MAP4K3: variants seen among roughly 807,000 people sequenced by gnomAD.
The protein encoded by MAP4K3 is mitogen-activated protein kinase kinase kinase kinase 3, also known as MAPK/ERK kinase kinase kinase 3.
In MAP4K3, 94 loss-of-function variants were observed where a neutral mutation model predicts 143.5. The ratio of observed to expected loss-of-function variants is 0.65; its 90% CI spans 0.55 to 0.78. The LOEUF is 0.78. MAP4K3 is among the 30% of genes least tolerant of loss of function. The pLI, the probability that MAP4K3 is intolerant of heterozygous loss-of-function variation, is 0.00. For synonymous variants in MAP4K3, 416 were observed against 347.2 expected, an observed-to-expected ratio of 1.20 and a Z score of -2.20; for missense variants, 1,077 against 1,068.1, an observed-to-expected ratio of 1.01 and a Z score of -0.12.
Position 39,254,442 on chromosome 2 carries a change from T to A in MAP4K3, c.2541+8A>T. The A allele has an allele frequency of 1.2e-6, 2 of 1,610,576 alleles. No individual in the cohort carries two copies. Among genetic ancestry groups the A allele is most frequent in the Non-Finnish European group, 1.7e-6 (2 of 1,176,980 alleles). On this transcript the variant is annotated splice_region_variant and intron_variant, in intron 32 of 33. Coordinates refer to ENST00000263881, the MANE Select transcript of MAP4K3 (RefSeq NM_003618.4). ...CTTGTGACTACTTAATGGACATAAT[T>A]TACTTACCTCATTAGATCTAAAACT...
chr2:39,287,495 G>A (rs927067661), intron 20 of MAP4K3, among the ~76,000 whole-genome samples: 2 of 151,904 alleles, frequency 1.3e-5, no homozygotes, highest in Non-Finnish European at 2.9e-5. Context: ...TAGAGATGGA[G>A]TTTCACCATG....
intron 1 of MAP4K3, among the ~76,000 whole-genome samples, chr2:39,400,967 T>C (rs563815767): frequency 6.6e-6 from 1 of 152,084 alleles, no homozygotes; most frequent in East Asian, 1.9e-4. Flanking sequence ...AACAAATAAA[T>C]ACAAGAATCA....
intron 29 of MAP4K3, among the ~76,000 whole-genome samples, chr2:39,260,364 C>T (rs1680517824): frequency 6.6e-6 from 1 of 152,086 alleles, no homozygotes; most frequent in South Asian, 2.1e-4. Flanking sequence ...GATCTTCTCA[C>T]CTTGGCCTCC....
chr2:39,326,896 T>C (rs538670526), intron 8 of MAP4K3, among the ~76,000 whole-genome samples: 6 of 152,106 alleles, frequency 3.9e-5, no homozygotes, highest in East Asian at 1.9e-4. Context: ...TACTCCATGA[T>C]TGTAAGTTTT....
chr2:39,339,666 G>A (rs570961132), intron 4 of MAP4K3, among the ~76,000 whole-genome samples: 10 of 152,228 alleles, frequency 6.6e-5, no homozygotes, highest in African/African-American at 1.9e-4. Context: ...AGACAAGCAC[G>A]ACGATAACTA....
chr2:39,379,860 G>A (rs1413365151), intron 1 of MAP4K3: 2 of 167,576 alleles, frequency 1.2e-5, no homozygotes, highest in East Asian at 3.9e-4. Context: ...ATGACCACAG[G>A]AGGGCACACT....
intron 8 of MAP4K3, among the ~76,000 whole-genome samples, chr2:39,331,361 G>T (rs1683676095): frequency 1.3e-5 from 2 of 152,054 alleles, no homozygotes; most frequent in African/African-American, 4.8e-5. Flanking sequence ...TTTATACTAT[G>T]ATCAGTATCT....
At chr2:39,284,172 TA>T (rs1558621209) in intron 21 of MAP4K3, among the ~76,000 whole-genome samples, 1 of 152,212 alleles carries the variant, frequency 6.6e-6, no homozygotes, top group East Asian at 1.9e-4. Flanking sequence ...GTTGTTTTTT[TA>T]TTTTTTTTGA....
At chr2:39,384,952 A>T (rs1448232322) in intron 1 of MAP4K3, among the ~76,000 whole-genome samples, 1 of 152,220 alleles carries the variant, frequency 6.6e-6, no homozygotes, top group East Asian at 1.9e-4. Context: ...GTTCTCTATG[A>T]CTACAGTTTT....
At chr2:39,279,018 C>T (rs537183350) in intron 23 of MAP4K3, among the ~76,000 whole-genome samples, 10 of 152,090 alleles carry the variant, frequency 6.6e-5, no homozygotes, top group Non-Finnish European at 1.0e-4. Flanking sequence ...GCATGGCCAT[C>T]GTCCTTTCCA....
intron 16 of MAP4K3, 63 bp downstream of exon 16, chr2:39,299,680 T>A: frequency 1.2e-6 from 1 of 851,616 alleles, no homozygotes; most frequent in Non-Finnish European, 1.8e-6. Context: ...TATTAAAATA[T>A]AATATTAAAG....
At chr2:39,385,985 T>G (rs188346454) in intron 1 of MAP4K3, among the ~76,000 whole-genome samples, 172 of 152,290 alleles carry the variant, frequency 1.1e-3, no homozygotes, top group Middle Eastern at 6.8e-3. Context: ...ACAGTGTTTT[T>G]TGCAGAATTT....
intron 1 of MAP4K3, among the ~76,000 whole-genome samples, chr2:39,393,990 C>A (rs900085307): frequency 6.6e-6 from 1 of 152,162 alleles, no homozygotes; most frequent in Admixed American, 6.5e-5. Context: ...TATGCTTTCT[C>A]ATGACATAAA....
At chr2:39,420,633 G>A (rs747709005) in intron 1 of MAP4K3, among the ~76,000 whole-genome samples, 19 of 151,044 alleles carry the variant, frequency 1.3e-4, no homozygotes, top group Non-Finnish European at 2.2e-4. Context: ...GGCTGGTCTC[G>A]AACTCCTGGC....
intron 1 of MAP4K3, among the ~76,000 whole-genome samples, chr2:39,384,444 G>A (rs61219633): frequency 0.048 from 7,372 of 152,296 alleles, 299 homozygotes; most frequent in African/African-American, 0.11. Context: ...TACTCGAGAG[G>A]CTGGGACAGG....
At chr2:39,367,912 T>C (rs776104558) in intron 2 of MAP4K3, among the ~76,000 whole-genome samples, 11 of 152,230 alleles carry the variant, frequency 7.2e-5, no homozygotes, top group Non-Finnish European at 1.5e-4. Context: ...CCAGTTCCAC[T>C]CCTTTCTTAT....
intron 28 of MAP4K3, among the ~76,000 whole-genome samples, chr2:39,262,319 C>T (rs1449197850): frequency 6.6e-6 from 1 of 152,192 alleles, no homozygotes; most frequent in African/African-American, 2.4e-5. Context: ...TTCCCTGTGG[C>T]TGCTAAAGTG....
At chr2:39,258,485 T>C (rs762193683) in intron 30 of MAP4K3, 34 bp downstream of exon 30, 2 of 1,604,196 alleles carry the variant, frequency 1.2e-6, no homozygotes, top group South Asian at 1.1e-5. Flanking sequence ...AAAGAAGTCT[T>C]ATTAAAGTAA....
At chr2:39,286,204 T>C (rs1681769798) in intron 21 of MAP4K3, among the ~76,000 whole-genome samples, 2 of 152,206 alleles carry the variant, frequency 1.3e-5, no homozygotes, top group African/African-American at 4.8e-5. Flanking sequence ...GTTACATTCG[T>C]GTAAGCAGCG....
Sources: gnomAD v4.1 joint callset for allele counts (sites outside exome capture counted in the v4.1 genomes callset) on GRCh38, gnomAD v4.1.1 for gene constraint, MANE v1.5 for transcripts, NCBI Gene and HGNC (gene_info 2026-07-23, HGNC 2026-07-21) for gene names.